The following TACR2 variants were observed in gnomAD, a reference collection of about 807,000 sequenced individuals.
TACR2 encodes substance-K receptor.
In TACR2, 24 loss-of-function variants were observed where a neutral mutation model predicts 28.9. That is an observed-to-expected ratio of 0.83 (90% CI 0.60 to 1.17). TACR2 has a LOEUF of 1.17. Among genes scored for constraint, TACR2 ranks in the 50% most tolerant of loss-of-function variants. TACR2 has a pLI of 0.00. For synonymous variants in TACR2, 222 were observed against 212.6 expected (o/e 1.04, Z -0.38); for missense variants, 487 against 524.4 (o/e 0.93, Z 0.70).
At chr10:69,413,037 G>T (rs1355311101) in intron 2 of TACR2, among the ~76,000 whole-genome samples, 2 of 151,498 alleles carry the variant, frequency 1.3e-5, no homozygotes, top group Non-Finnish European at 2.9e-5. Flanking sequence ...CATCACGTTG[G>T]CCAGGCTGGT....
intron 1 of TACR2, 88 bp downstream of exon 1, chr10:69,415,844 G>T (rs573219617): frequency 4.2e-5 from 62 of 1,475,628 alleles, no homozygotes; most frequent in Non-Finnish European, 5.6e-5. Context: ...ACCCAAACTT[G>T]CTGTGTAATC....
Position 69,415,082 on chromosome 10 carries a change from C to T in TACR2, c.450G>A (p.Ala150=), listed in dbSNP as rs202091754. Residue 150 remains alanine, a synonymous_variant, in exon 2 of 5, where the codon GCG becomes GCA. Transcript: ENST00000373306. ...QPRLSAPSTK[A]VIAGIWLVAL... ...CCACCAGCCAGATGCCAGCAATAAC[C>T]GCCTTGGTGCTGGGAGCTGAAAGCC... The T allele has an allele frequency of 1.4e-4, 225 of 1,613,302 alleles. No individual in the cohort carries two copies. In the Admixed American group the frequency reaches 2.9e-3, roughly 21 times the overall value.
intron 1 of TACR2, 141 bp from the exon 2 acceptor site, chr10:69,415,280 A>G: frequency 2.1e-6 from 2 of 967,444 alleles, no homozygotes; most frequent in Admixed American, 2.9e-5. Flanking sequence ...TCATAGTATC[A>G]GCCGACCTGC....
chr10:69,413,337 G>A (rs1035020994), intron 2 of TACR2, among the ~76,000 whole-genome samples: 1 of 152,108 alleles, frequency 6.6e-6, no homozygotes, highest in African/African-American at 2.4e-5. Context: ...GCCCACCCCT[G>A]CCCGCCTGTT....
chr10:69,409,520 G>T (rs1840541086), intron 2 of TACR2, among the ~76,000 whole-genome samples: 1 of 152,032 alleles, frequency 6.6e-6, no homozygotes, highest in South Asian at 2.1e-4. Context: ...ACCCCTGATG[G>T]GAGTTTCACT....
rs183670552 is a variant in TACR2 at position 69,416,504 on chromosome 10, G to A, written c.-181C>T. 251 of 737,864 alleles carry A rather than the reference G, an allele frequency of 3.4e-4. 1 individual carries two copies. In the African/African-American group the frequency reaches 3.9e-3, roughly 11 times the overall value. 45.7% of individuals were successfully genotyped at this position (737,864 alleles called of 1,614,324 possible). A position where few individuals can be genotyped will look rare whatever the true frequency, so the allele number is the denominator to read the frequency against. ...TAGGTCTCAGGCAAAGATGAGCTGG[G>A]CTGAGCACAAAGCCCAGTCCAGAAC... On this transcript the variant is annotated 5_prime_UTR_variant, in exon 1 of 5. Transcript: ENST00000373306.
chr10:69,416,209 C>A lies in TACR2; in HGVS notation c.115G>T (p.Ala39Ser), dbSNP rs1229281458. The change falls in exon 1 of 5, where the codon GCC becomes TCC. Residue 39 changes from alanine to serine, a missense_variant. Coordinates refer to ENST00000373306, the MANE Select transcript of TACR2 (RefSeq NM_001057.3). ...GCCACCAGCACCAGGGCCAGGTAGG[C>A]TGTGGCCCACAGTGCCAGTTGCCAG... ...PSWQLALWAT[A>S]YLALVLVAVT... 3 of 1,614,074 alleles carry A rather than the reference C, an allele frequency of 1.9e-6. No homozygotes were observed. Among genetic ancestry groups the A allele is most frequent in the Non-Finnish European group, 2.5e-6 (3 of 1,180,042 alleles).
chr10:69,408,903 CCCCCGCCCCCGCG>C lies in TACR2; in HGVS notation c.741+6_741+18del, dbSNP rs1468691894. On this transcript the variant is annotated splice_donor_region_variant and intron_variant, in intron 3 of 4. Coordinates refer to ENST00000373306, the MANE Select transcript of TACR2 (RefSeq NM_001057.3). ...CCCTCCAGGCCCCGCCCCCTCCAGG[CCCCCGCCCCCGCG>C]CCCACCTTCTTCATGGCCTGCAGGT... The C allele has an allele frequency of 9.3e-6, 11 of 1,186,564 alleles. No individual in the cohort carries two copies. The highest frequency in any genetic ancestry group is 1.2e-5 in the Non-Finnish European group (11 of 938,866). The allele number at this position is 1,186,564 out of a possible 1,614,324, so 73.5% of individuals were successfully genotyped here.
rs10663894 is a variant in TACR2, at chr10:69,409,904, C to CATATATAT, written c.588-837_588-830dup. Among the ~76,000 whole-genome samples, 264 of 34,340 alleles carry CATATATAT rather than the reference C, an allele frequency of 7.7e-3. 3 individuals are homozygous for CATATATAT. The highest frequency in any genetic ancestry group is 0.012 in the South Asian group (11 of 890). 22.5% of individuals were successfully genotyped at this position (34,340 alleles called of 152,430 possible). A position where few individuals can be genotyped will look rare whatever the true frequency, so the allele number is the denominator to read the frequency against. On this transcript the variant is annotated intron_variant, in intron 2 of 4. Transcript: ENST00000373306. ...ATACATATATACATATATATATATA[C>CATATATAT]ATATATATATATATATATATATATA...
intron 1 of TACR2, 106 bp from the exon 2 acceptor site, chr10:69,415,245 C>T (rs1229982439): frequency 6.5e-6 from 8 of 1,230,202 alleles, no homozygotes; most frequent in African/African-American, 6.1e-5. Flanking sequence ...CTAGCCATTC[C>T]CCGCACTGCT....
intron 2 of TACR2, among the ~76,000 whole-genome samples, chr10:69,412,564 A>G (rs1294275608): frequency 6.6e-6 from 1 of 152,138 alleles, no homozygotes; most frequent in Non-Finnish European, 1.5e-5. Flanking sequence ...ATCATGACCA[A>G]ATTTCCCCTT....
In TACR2 at chr10:69,415,081, C is replaced by A. The variant is rs201152189; in HGVS notation, c.451G>T (p.Val151Phe). The A allele has an allele frequency of 1.9e-6, 3 of 1,613,472 alleles. No individual in the cohort carries two copies. Among genetic ancestry groups the A allele is most frequent in the African/African-American group, 1.3e-5 (1 of 75,032 alleles). Residue 151 changes from valine to phenylalanine, a missense_variant, in exon 2 of 5, where the codon GTT becomes TTT. Transcript: ENST00000373306. ...GCCACCAGCCAGATGCCAGCAATAA[C>A]CGCCTTGGTGCTGGGAGCTGAAAGC... ...PRLSAPSTKA[V>F]IAGIWLVALA... is the part of the protein sequence containing the mutation.
Position 69,407,073 on chromosome 10 carries a change from TG to T in TACR2, c.938+10del. 6.2e-7 allele frequency: 1 copy of T among 1,611,064 alleles called. No individual in the cohort carries two copies. On this transcript the variant is annotated intron_variant, in intron 4 of 4. Transcript: ENST00000373306. ...CTGAGGGCAGAGGGTGGGGCTGGAG[TG>T]GGGGCTCACCTGTGGTTGAGACAGC...
chr10:69,409,120 A>G, intron 2 of TACR2, 45 bp from the exon 3 acceptor site: 1 of 1,475,026 alleles, frequency 6.8e-7, no homozygotes, highest in Non-Finnish European at 9.0e-7. Flanking sequence ...CCCGGGGGCG[A>G]CTCCGAAGTC....
intron 2 of TACR2, among the ~76,000 whole-genome samples, chr10:69,414,377 T>C (rs1840594048): frequency 6.6e-6 from 1 of 152,160 alleles, no homozygotes. Flanking sequence ...TGCAAACACA[T>C]CTACAAATAT....
chr10:69,407,411 C>T (rs1840512915), intron 3 of TACR2, 131 bp from the exon 4 acceptor site: 5 of 870,552 alleles, frequency 5.7e-6, no homozygotes, highest in Non-Finnish European at 6.9e-6. Context: ...AGCTCTATTA[C>T]TCAGGCCTCT....
At chr10:69,407,562 T>C (rs1840514776) in intron 3 of TACR2, among the ~76,000 whole-genome samples, 1 of 152,142 alleles carries the variant, frequency 6.6e-6, no homozygotes, top group Non-Finnish European at 1.5e-5. Flanking sequence ...CTACAAAAGG[T>C]GTCTGGGACC....
chr10:69,407,275 C>A lies in TACR2; in HGVS notation c.747G>T (p.Val249=), dbSNP rs1175856937. Residue 249 remains valine, a synonymous_variant, in exon 4 of 5, where the codon GTG becomes GTT. Transcript: ENST00000373306. The stretch of plus-strand genomic sequence containing the variant: ...TCAGCACCACCAGCACCATGGTCTT[C>A]ACAAACTGGTCCAGGAGAGGCTCAA... The part of the protein sequence containing the change: ...LRHLQAMKKF[V]KTMVLVVLTF... 1.2e-6 allele frequency: 2 copies of A among 1,610,618 alleles called. No individual in the cohort carries two copies. Among genetic ancestry groups the A allele is most frequent in the African/African-American group, 2.7e-5 (2 of 74,746 alleles).
rs1840578940 is a variant in TACR2, at chr10:69,412,620, G to A, written c.587+2325C>T. Among the ~76,000 whole-genome samples, 5 of 152,206 alleles carry A rather than the reference G, an allele frequency of 3.3e-5. No homozygotes were observed. In the South Asian group the frequency reaches 1.0e-3, roughly 32 times the overall value. ...GGAGTCAGTACAGGGCTCTTGTCCA[G>A]CCTCTTGTTTAAAGCATGATCTTAG... On this transcript the variant is annotated intron_variant, in intron 2 of 4. Coordinates refer to ENST00000373306, the MANE Select transcript of TACR2 (RefSeq NM_001057.3).
Sources: allele counts gnomAD v4.1 joint callset (sites outside exome capture counted in the v4.1 genomes callset), GRCh38; gene constraint gnomAD v4.1.1; transcripts MANE v1.5; gene names NCBI Gene and HGNC (gene_info 2026-07-23, HGNC 2026-07-21).